The following TUB variants were observed in gnomAD, a reference collection of about 807,000 sequenced individuals.
TUB encodes tubby protein homolog.
In TUB, 33 loss-of-function variants were observed where a neutral mutation model predicts 59.7. The ratio of observed to expected loss-of-function variants is 0.55; its 90% CI spans 0.42 to 0.74. The LOEUF is 0.74. Ranked by LOEUF, TUB falls within the 30% of genes least tolerant of loss-of-function variation. The pLI, the probability that TUB is intolerant of heterozygous loss-of-function variation, is 0.00. For synonymous variants in TUB, 293 were observed against 256.4 expected, an observed-to-expected ratio of 1.14 and a Z score of -1.36; for missense variants, 659 against 672.0, an observed-to-expected ratio of 0.98 and a Z score of 0.21.
chr11:8,101,595 C>T lies in TUB; in HGVS notation c.1497C>T (p.Phe499=), dbSNP rs757279151. 61 of 1,614,098 alleles carry T rather than the reference C, an allele frequency of 3.8e-5. 1 individual carries two copies. Among genetic ancestry groups the T allele is most frequent in the Non-Finnish European group, 4.6e-5 (54 of 1,180,040 alleles). ...CCTTTGCCATTGCCCTGTCCAGCTT[C>T]GACAGCAAGCTGGCGTGCGAGTAGA... The part of the protein sequence containing the change: ...LQAFAIALSS[F]DSKLACE The change falls in exon 12 of 12, where the codon TTC becomes TTT. Residue 499 remains phenylalanine (F), a synonymous_variant. Transcript: ENST00000299506.
intron 1 of TUB, among the ~76,000 whole-genome samples, chr11:8,026,843 T>C (rs1264450673): frequency 6.6e-6 from 1 of 152,210 alleles, no homozygotes; most frequent in Non-Finnish European, 1.5e-5. Context: ...ATAGATCAAT[T>C]TGGGGAGAGT....
chr11:8,073,699 C>T (rs182619585), intron 2 of TUB, among the ~76,000 whole-genome samples: 2 of 152,302 alleles, frequency 1.3e-5, no homozygotes, highest in East Asian at 1.9e-4. Context: ...GGGGCCTGAG[C>T]GCTCAGCCTC....
intron 2 of TUB, among the ~76,000 whole-genome samples, chr11:8,065,293 C>T (rs1443008144): frequency 6.6e-6 from 1 of 152,168 alleles, no homozygotes; most frequent in Non-Finnish European, 1.5e-5. Flanking sequence ...CTGGCCTGCT[C>T]CCCATGGGGC....
At chr11:8,072,379 C>G (rs997722904) in intron 2 of TUB, among the ~76,000 whole-genome samples, 1 of 152,196 alleles carries the variant, frequency 6.6e-6, no homozygotes, top group African/African-American at 2.4e-5. Context: ...TGTTCTCACC[C>G]TCATCTGCGG....
Position 8,082,204 on chromosome 11 carries a change from G to C in TUB, c.38+656G>C, listed in dbSNP as rs114804726. Among the ~76,000 whole-genome samples the C allele has an allele frequency of 4.6e-3, 706 of 152,276 alleles. 8 individuals are homozygous for C. The highest frequency in any genetic ancestry group is 0.016 in the African/African-American group (685 of 41,552). On this transcript the variant is annotated intron_variant, in intron 1 of 11. Coordinates refer to ENST00000299506, the MANE Select transcript of TUB (RefSeq NM_177972.3). The stretch of plus-strand genomic sequence containing the variant: ...ACACTGAATAATCTACTTGCTAGCA[G>C]GTCTATACCTAGACACACACCAGCT...
At chr11:8,083,260 G>A (rs1176411323) in intron 1 of TUB, among the ~76,000 whole-genome samples, 1 of 152,270 alleles carries the variant, frequency 6.6e-6, no homozygotes, top group African/African-American at 2.4e-5. Flanking sequence ...CAGATGGCAG[G>A]GTGGTGGCCA....
At chr11:8,096,609 G>T in intron 5 of TUB, 76 bp from the exon 6 acceptor site, 2 of 970,828 alleles carry the variant, frequency 2.1e-6, no homozygotes, top group Non-Finnish European at 3.3e-6. Context: ...CTGAACATGA[G>T]TATGTGACCA....
chr11:8,091,827 C>T (rs973996495), intron 3 of TUB, among the ~76,000 whole-genome samples: 19 of 152,182 alleles, frequency 1.2e-4, no homozygotes, highest in African/African-American at 4.6e-4. Context: ...TTGTGAGTGC[C>T]ATCCCAAGGG....
Position 8,095,584 on chromosome 11 carries a change from G to T in TUB, c.484G>T (p.Ala162Ser). Residue 162 changes from alanine to serine, a missense_variant, in exon 5 of 12, where the codon GCC becomes TCC. Ala to Ser is a moderately conservative substitution (Grantham distance 99). This residue lies in a region of TUB where 321 missense variants were observed against 304.3 expected (regional missense o/e 1.05). Coordinates refer to ENST00000299506, the MANE Select transcript of TUB (RefSeq NM_177972.3). Reference protein sequence around the residue: ...QILTVGQSDHAQDAGETAAGG... With the variant: ...QILTVGQSDHSQDAGETAAGG... ...TCTGACTGTGGGCCAGTCAGACCAC[G>T]CCCAGGACGCAGGGGAGACGGCAGC... The T allele has an allele frequency of 6.2e-7, 1 of 1,613,078 alleles. No individual in the cohort carries two copies. Among genetic ancestry groups the T allele is most frequent in the South Asian group, 1.1e-5 (1 of 90,968 alleles).
chr11:8,059,108 C>A (rs903194775), intron 2 of TUB, among the ~76,000 whole-genome samples: 1 of 152,170 alleles, frequency 6.6e-6, no homozygotes, highest in East Asian at 1.9e-4. Context: ...CTTGCAGAGA[C>A]CCTGGGAGCA....
chr11:8,039,504 T>C (rs1942707891), intron 1 of TUB: 1 of 643,984 alleles, frequency 1.6e-6, no homozygotes, highest in Admixed American at 3.8e-5. Flanking sequence ...CCCTGATCCA[T>C]CACGTAACTC....
intron 9 of TUB, 64 bp from the exon 10 acceptor site, chr11:8,100,439 C>A (rs1351091446): frequency 3.8e-6 from 5 of 1,301,940 alleles, no homozygotes; most frequent in South Asian, 1.2e-5. Context: ...ATTCCCGTCC[C>A]CCCCACCTTC....
In TUB at chr11:8,104,281, G is replaced by C. The variant is rs1944431339; in HGVS notation, c.*2662G>C. On this transcript the variant is annotated 3_prime_UTR_variant, in exon 12 of 12. Transcript: ENST00000299506. ...GGGAGTGAGTTTAGGCAGCTTCTCT[G>C]TAACCGCTTCTGGGGCCACACCCCA... The C allele has an allele frequency of 1.3e-5, 2 of 152,238 alleles. No homozygotes were observed. The highest frequency in any genetic ancestry group is 1.5e-5 in the Non-Finnish European group (1 of 68,066). 9.4% of individuals were successfully genotyped at this position (152,238 alleles called of 1,614,324 possible). A position where few individuals can be genotyped will look rare whatever the true frequency, so the allele number is the denominator to read the frequency against.
intron 10 of TUB, 112 bp downstream of exon 10, chr11:8,100,713 A>G: frequency 1.3e-6 from 2 of 1,543,484 alleles, no homozygotes; most frequent in Non-Finnish European, 1.8e-6. Context: ...CATGTGAGAA[A>G]GCCCTGGAGG....
chr11:8,089,722 G>C, intron 2 of TUB, 61 bp downstream of exon 2: 2 of 1,595,514 alleles, frequency 1.3e-6, no homozygotes, highest in Non-Finnish European at 1.7e-6. Flanking sequence ...TGAGGGCAGA[G>C]GGGCAGGGCT....
chr11:8,090,067 A>T lies in TUB; in HGVS notation c.91-2A>T. The T allele has an allele frequency of 6.3e-7, 1 of 1,599,654 alleles. No homozygotes were observed. Among genetic ancestry groups the T allele is most frequent in the Non-Finnish European group, 8.5e-7 (1 of 1,173,382 alleles). The stretch of plus-strand genomic sequence containing the variant: ...GGTCAGCCAACCTCTGTGCCTCCAT[A>T]GCGGGCCCTGCTGGAGCAGAAGCAG... On this transcript the variant is annotated splice_acceptor_variant, in intron 2 of 11. Coordinates refer to ENST00000299506, the MANE Select transcript of TUB (RefSeq NM_177972.3). LOFTEE classifies it high-confidence loss of function.
intron 9 of TUB, 70 bp downstream of exon 9, chr11:8,098,945 A>G (rs927040522): frequency 1.3e-5 from 15 of 1,134,646 alleles, no homozygotes; most frequent in Admixed American, 3.4e-5. Flanking sequence ...TGCCTGATCT[A>G]GGGGCTATCC....
chr11:8,056,333 T>G (rs567094807), intron 2 of TUB, among the ~76,000 whole-genome samples: 1 of 152,198 alleles, frequency 6.6e-6, no homozygotes, highest in East Asian at 1.9e-4. Context: ...TGGGAATGCC[T>G]TGAGTGTGTG....
intron 2 of TUB, among the ~76,000 whole-genome samples, chr11:8,066,028 T>C (rs1943234435): frequency 6.6e-6 from 1 of 152,068 alleles, no homozygotes; most frequent in Admixed American, 6.5e-5. Flanking sequence ...AGACATGAAA[T>C]AGGTTGTGCA....
Sources: gnomAD v4.1 joint callset for allele counts (sites outside exome capture counted in the v4.1 genomes callset) on GRCh38, gnomAD v4.1.1 for gene constraint, gnomAD v4.1.1 regional missense constraint, MANE v1.5 for transcripts, NCBI Gene and HGNC (gene_info 2026-07-23, HGNC 2026-07-21) for gene names.